The following CDYL variants were observed in gnomAD, a reference collection of about 807,000 sequenced individuals.
CDYL encodes chromodomain Y like.
Under a neutral mutation model 47.3 loss-of-function variants are expected in CDYL, and 8 were observed. The ratio of observed to expected loss-of-function variants is 0.17; its 90% CI spans 0.10 to 0.31. The LOEUF is 0.31. Among genes scored for constraint, CDYL ranks in the 10% least tolerant of loss-of-function variants. The pLI, the probability that CDYL is intolerant of heterozygous loss-of-function variation, is 1.00. For missense variants in CDYL, 471 were observed against 701.4 expected, an observed-to-expected ratio of 0.67 and a Z score of 3.71; for synonymous variants, 266 against 265.0, an observed-to-expected ratio of 1.00 and a Z score of -0.04.
intron 2 of CDYL, among the ~76,000 whole-genome samples, chr6:4,725,348 T>A (rs1422997687): frequency 2.0e-5 from 3 of 152,188 alleles, no homozygotes; most frequent in Non-Finnish European, 4.4e-5. Flanking sequence ...AGCCCTTGGG[T>A]GGCCGATGGG....
intron 3 of CDYL, among the ~76,000 whole-genome samples, chr6:4,771,131 G>T (rs920935917): frequency 4.0e-5 from 6 of 151,720 alleles, no homozygotes; most frequent in African/African-American, 1.5e-4. Context: ...TTTTGGCGGG[G>T]GGGATGGAGT....
At chr6:4,837,378 A>T (rs1198728781) in intron 1 of CDYL, among the ~76,000 whole-genome samples, 2 of 152,240 alleles carry the variant, frequency 1.3e-5, no homozygotes, top group Non-Finnish European at 2.9e-5. Flanking sequence ...ATTTTCAAAA[A>T]ATTATGAAGT....
intron 2 of CDYL, among the ~76,000 whole-genome samples, chr6:4,922,937 T>C (rs1757759815): frequency 6.6e-6 from 1 of 152,166 alleles, no homozygotes; most frequent in South Asian, 2.1e-4. Flanking sequence ...AGGGAGCTTT[T>C]TTCCCCCCTT....
chr6:4,891,869 GAGA>G lies in CDYL; in HGVS notation c.184_186del (p.Lys62del). 6.2e-7 allele frequency: 1 copy of G among 1,614,168 alleles called. No homozygotes were observed. Among genetic ancestry groups the G allele is most frequent in the Non-Finnish European group, 8.5e-7 (1 of 1,180,044 alleles). On this transcript the variant is annotated inframe_deletion, in exon 2 of 7. Transcript: ENST00000397588. ...CCACGACTTCAACAGACGCCACACGGAGAAGCAGAAGGAGAGCACATTGACCAG... is the reference window on the plus strand; with the variant it reads ...CCACGACTTCAACAGACGCCACACGGAGCAGAAGGAGAGCACATTGACCAG...
At position 4,953,882 on chromosome 6, in the gene CDYL, T is replaced by C. The variant is rs1255745976; in HGVS notation, c.1477-16T>C. ...CGCATGCACCCTGCTAACTGGCTGC[T>C]TGTTTTCCGGTGCAGGTGCTTGAGG... On this transcript the variant is annotated splice_polypyrimidine_tract_variant and intron_variant, in intron 6 of 6. Coordinates refer to ENST00000397588, the MANE Select transcript of CDYL (RefSeq NM_004824.4). 6.2e-7 allele frequency: 1 copy of C among 1,608,902 alleles called. No individual in the cohort carries two copies. Among genetic ancestry groups the C allele is most frequent in the Non-Finnish European group, 8.5e-7 (1 of 1,177,268 alleles).
intron 1 of CDYL, among the ~76,000 whole-genome samples, chr6:4,818,404 G>A (rs1339686469): frequency 6.6e-6 from 1 of 152,174 alleles, no homozygotes; most frequent in South Asian, 2.1e-4. Flanking sequence ...GAAGGTGTTT[G>A]ATACCTCCCT....
intron 1 of CDYL, among the ~76,000 whole-genome samples, chr6:4,799,108 AT>A (rs1759153642): frequency 6.6e-6 from 1 of 152,172 alleles, no homozygotes; most frequent in Non-Finnish European, 1.5e-5. Flanking sequence ...TCAAAATTTG[AT>A]ATGCTTTCAT....
intron 2 of CDYL, among the ~76,000 whole-genome samples, chr6:4,904,228 C>A (rs1036158378): frequency 2.6e-5 from 4 of 152,202 alleles, no homozygotes; most frequent in Non-Finnish European, 5.9e-5. Flanking sequence ...TTGTACAGCC[C>A]TGCTTCTCGT....
At chr6:4,860,174 T>TA (rs1174304616) in intron 1 of CDYL, among the ~76,000 whole-genome samples, 6 of 152,122 alleles carry the variant, frequency 3.9e-5, no homozygotes, top group Admixed American at 3.9e-4. Flanking sequence ...GTGCTGGAAT[T>TA]ACAGACGTGA....
Position 4,726,579 on chromosome 6 carries a change from T to C in CDYL, c.104-8183T>C, listed in dbSNP as rs571422227. On this transcript the variant is annotated intron_variant, in intron 2 of 8. Transcript: ENST00000328908. ...AGCTGGATATGCTGGCACACACCTG[T>C]GGTCCCACCTATTTGGGAGGCTGAG... Among the ~76,000 whole-genome samples the C allele has an allele frequency of 4.0e-5, 6 of 150,924 alleles. No homozygotes were observed. The South Asian group carries it at 1.3e-3, about 32-fold the overall frequency.
intron 3 of CDYL, among the ~76,000 whole-genome samples, chr6:4,737,855 G>A (rs967899730): frequency 2.6e-5 from 4 of 151,834 alleles, no homozygotes; most frequent in African/African-American, 9.7e-5. Context: ...ACCCAAAACG[G>A]ACAAATGTTT....
chr6:4,730,561 C>G (rs9405770), intron 2 of CDYL, among the ~76,000 whole-genome samples: 21,290 of 150,850 alleles, frequency 0.14, 1,934 homozygotes, highest in African/African-American at 0.28. Context: ...ATAATCCCAG[C>G]TACTCAGGAG....
intron 2 of CDYL, chr6:4,734,612 G>C: frequency 9.1e-7 from 1 of 1,093,966 alleles, no homozygotes; most frequent in Non-Finnish European, 1.3e-6. Flanking sequence ...ATGAAAAGGA[G>C]AGACCAGTTT....
intron 1 of CDYL, among the ~76,000 whole-genome samples, chr6:4,848,784 G>T (rs1392332941): frequency 6.6e-6 from 1 of 152,254 alleles, no homozygotes. Context: ...AGAAGACGCA[G>T]TTGCGTTTGG....
intron 1 of CDYL, among the ~76,000 whole-genome samples, chr6:4,801,716 G>A (rs1163280519): frequency 6.6e-6 from 1 of 152,052 alleles, no homozygotes; most frequent in Non-Finnish European, 1.5e-5. Context: ...TCTTTATTCT[G>A]GGGATTCCCC....
At chr6:4,744,059 C>T (rs1757843169) in intron 3 of CDYL, among the ~76,000 whole-genome samples, 1 of 152,066 alleles carries the variant, frequency 6.6e-6, no homozygotes, top group South Asian at 2.1e-4. Context: ...TAATTCCTGA[C>T]CCAGAAGTCT....
chr6:4,897,669 C>T (rs974783040), intron 2 of CDYL, among the ~76,000 whole-genome samples: 2 of 152,020 alleles, frequency 1.3e-5, no homozygotes, highest in Non-Finnish European at 2.9e-5. Context: ...GTAATCCCAG[C>T]GCTTTGGGAA....
chr6:4,783,877 G>C lies in CDYL; in HGVS notation c.24+7070G>C, dbSNP rs185802684. ...TAGTTAGGTGGGTATATGTTGTGCT[G>C]CTTTTTGGATTTGTGCCTCATCAGC... On this transcript the variant is annotated intron_variant, in intron 1 of 6. Transcript: ENST00000397588. Among the ~76,000 whole-genome samples the C allele has an allele frequency of 2.0e-3, 311 of 152,238 alleles. 1 individual carries two copies. The highest frequency in any genetic ancestry group is 7.2e-3 in the African/African-American group (299 of 41,548).
At chr6:4,708,464 A>G (rs541383968) in intron 1 of CDYL, among the ~76,000 whole-genome samples, 2 of 152,246 alleles carry the variant, frequency 1.3e-5, no homozygotes, top group South Asian at 4.1e-4. Flanking sequence ...CTGGCCATAT[A>G]TTTTTAATTG....
Sources: gnomAD v4.1 joint callset for allele counts (sites outside exome capture counted in the v4.1 genomes callset) on GRCh38, gnomAD v4.1.1 for gene constraint, MANE v1.5 for transcripts, NCBI Gene and HGNC (gene_info 2026-07-23, HGNC 2026-07-21) for gene names.